EPB41L2: variants seen among roughly 807,000 people sequenced by gnomAD.
The protein encoded by EPB41L2 is erythrocyte membrane protein band 4.1 like 2, also known as band 4.1-like protein 2.
EPB41L2 carries 43 observed loss-of-function variants against 113.0 expected under a neutral mutation model. The observed-to-expected ratio is 0.38, with a 90% CI of 0.30 to 0.49. The LOEUF is 0.49. Among genes scored for constraint, EPB41L2 ranks in the 20% least tolerant of loss-of-function variants. The probability of loss-of-function intolerance (pLI) is 0.95; values close to 1 mark genes in which losing one functional copy is unlikely to be tolerated. For synonymous variants in EPB41L2, 442 were observed against 436.7 expected, an observed-to-expected ratio of 1.01 and a Z score of -0.15; for missense variants, 1,147 against 1,223.4, an observed-to-expected ratio of 0.94 and a Z score of 0.93.
At position 130,899,557 on chromosome 6, in the gene EPB41L2, A is replaced by T. The variant is rs774383411; in HGVS notation, c.1170T>A (p.Ala390=). The change falls in exon 8 of 20, where the codon GCT becomes GCA. Residue 390 remains alanine (A), a synonymous_variant. Transcript: ENST00000337057. ...TTGCATTTTCTAAGAACTGGGAATCAGCTTGTGCTGGCGATAAGCCCCTGA... is the reference window on the plus strand; with the variant it reads ...TTGCATTTTCTAAGAACTGGGAATCTGCTTGTGCTGGCGATAAGCCCCTGA... ...KTHRGLSPAQ[A]DSQFLENAKR... 6.2e-7 allele frequency: 1 copy of T among 1,613,944 alleles called. No homozygotes were observed. The highest frequency in any genetic ancestry group is 1.1e-5 in the South Asian group (1 of 91,084).
At chr6:130,943,417 T>C (rs948684495) in intron 3 of EPB41L2, among the ~76,000 whole-genome samples, 2 of 152,208 alleles carry the variant, frequency 1.3e-5, no homozygotes, top group African/African-American at 4.8e-5. Flanking sequence ...GTAATTTTCA[T>C]TCCAAAACAG....
Position 130,867,786 on chromosome 6 carries a change from A to C in EPB41L2, c.2608-205T>G, listed in dbSNP as rs949353364. On this transcript the variant is annotated intron_variant, in intron 15 of 19. Coordinates refer to ENST00000337057, the MANE Select transcript of EPB41L2 (RefSeq NM_001431.4). ...ATATATCATATATACACATACATAC[A>C]TGTGCACATAGATACGTACATATAT... The C allele has an allele frequency of 9.2e-6, 5 of 543,618 alleles. No individual in the cohort carries two copies. In the Admixed American group the frequency reaches 1.2e-4, roughly 13 times the overall value. 33.7% of individuals were successfully genotyped at this position (543,618 alleles called of 1,614,324 possible).
At chr6:131,040,507 T>C (rs980025751) in intron 1 of EPB41L2, among the ~76,000 whole-genome samples, 1 of 152,152 alleles carries the variant, frequency 6.6e-6, no homozygotes, top group Admixed American at 6.5e-5. Flanking sequence ...AAAAATCCCA[T>C]TTTATCACCA....
At chr6:131,048,818 T>C (rs75151482) in intron 1 of EPB41L2, among the ~76,000 whole-genome samples, 8,030 of 152,280 alleles carry the variant, frequency 0.053, 308 homozygotes, top group East Asian at 0.12. Context: ...GGTACATTCT[T>C]TCTTCCAAAA....
chr6:130,850,012 T>G (rs1370867417), intron 19 of EPB41L2, among the ~76,000 whole-genome samples: 2 of 152,094 alleles, frequency 1.3e-5, no homozygotes, highest in Non-Finnish European at 2.9e-5. Flanking sequence ...GGCGGGTGGA[T>G]CACCTGAGGT....
chr6:131,031,332 TA>T (rs1792114237), intron 1 of EPB41L2, among the ~76,000 whole-genome samples: 1 of 151,946 alleles, frequency 6.6e-6, no homozygotes, highest in Non-Finnish European at 1.5e-5. Context: ...GAGTAAGCTA[TA>T]AGTGATAACA....
In EPB41L2 at chr6:130,890,155, T is replaced by C. The variant is rs929570217; in HGVS notation, c.1660+139A>G. 1.5e-5 allele frequency: 12 copies of C among 791,944 alleles called. No individual in the cohort carries two copies. In the Admixed American group the frequency reaches 2.5e-4, roughly 17 times the overall value. The allele number at this position is 791,944 out of a possible 1,614,324, so 49.1% of individuals were successfully genotyped here. A position where few individuals can be genotyped will look rare whatever the true frequency, so the allele number is the denominator to read the frequency against. On this transcript the variant is annotated intron_variant, in intron 11 of 19. Coordinates refer to ENST00000337057, the MANE Select transcript of EPB41L2 (RefSeq NM_001431.4). ...ATTATTCTCTTGTAGGTGTAAGTAA[T>C]AGCATTTTATTTACTCGGGAAAAAA...
At chr6:130,905,397 A>G (rs1797426958) in intron 5 of EPB41L2, among the ~76,000 whole-genome samples, 1 of 151,714 alleles carries the variant, frequency 6.6e-6, no homozygotes, top group Non-Finnish European at 1.5e-5. Context: ...AATTAAAAAA[A>G]TGTGTGTGTG....
At chr6:130,988,546 G>C (rs924988601) in intron 1 of EPB41L2, among the ~76,000 whole-genome samples, 5 of 152,124 alleles carry the variant, frequency 3.3e-5, no homozygotes, top group African/African-American at 1.2e-4. Context: ...CTTTCCTGAG[G>C]GGTGGCGGGG....
At position 130,867,482 on chromosome 6, in the gene EPB41L2, T is replaced by C. The variant is rs1393445454; in HGVS notation, c.2707A>G (p.Thr903Ala). 1.2e-6 allele frequency: 2 copies of C among 1,613,982 alleles called. No homozygotes were observed. The highest frequency in any genetic ancestry group is 3.3e-5 in the Admixed American group (2 of 60,024). ...ACCTGTGGAGACTCATATGTGATGG[T>C]TTTGGTCTCAGTTTGGACAATGGGG... Reference protein sequence around the residue: ...EVPIVQTETKTITYESPQIDG... With the variant: ...EVPIVQTETKAITYESPQIDG... The change falls in exon 16 of 20, where the codon ACC becomes GCC. Residue 903 changes from threonine (T) to alanine (A), a missense_variant. Coordinates refer to ENST00000337057, the MANE Select transcript of EPB41L2 (RefSeq NM_001431.4).
At chr6:130,990,170 A>C (rs929934031) in intron 1 of EPB41L2, among the ~76,000 whole-genome samples, 3 of 152,086 alleles carry the variant, frequency 2.0e-5, no homozygotes, top group Non-Finnish European at 2.9e-5. Context: ...AAAATGCAAA[A>C]ATTGGCCGAG....
chr6:130,966,671 A>C (rs1012202434), intron 1 of EPB41L2, among the ~76,000 whole-genome samples: 1 of 152,198 alleles, frequency 6.6e-6, no homozygotes, highest in Non-Finnish European at 1.5e-5. Flanking sequence ...AATGAACAGA[A>C]GTTTTCATAA....
At chr6:131,028,686 T>C (rs896631959) in intron 1 of EPB41L2, among the ~76,000 whole-genome samples, 1 of 152,190 alleles carries the variant, frequency 6.6e-6, no homozygotes, top group Non-Finnish European at 1.5e-5. Flanking sequence ...TATGTATTAA[T>C]ATCGCATAAA....
chr6:130,890,949 TGG>T (rs1447381677), intron 10 of EPB41L2, among the ~76,000 whole-genome samples: 3 of 152,222 alleles, frequency 2.0e-5, no homozygotes, highest in Admixed American at 6.5e-5. Flanking sequence ...TCTGTAGAGA[TGG>T]CTAACACCCC....
intron 1 of EPB41L2, among the ~76,000 whole-genome samples, chr6:130,993,991 T>A (rs1782492940): frequency 6.6e-6 from 1 of 152,142 alleles, no homozygotes. Flanking sequence ...TAAGCCACAG[T>A]ATACCGGGAA....
intron 3 of EPB41L2, among the ~76,000 whole-genome samples, chr6:130,937,537 T>C (rs1200099829): frequency 6.6e-6 from 1 of 152,078 alleles, no homozygotes; most frequent in East Asian, 1.9e-4. Context: ...AAAAAAATGA[T>C]TGGCTGGGCG....
At chr6:130,894,564 G>A in intron 9 of EPB41L2, 123 bp from the exon 10 acceptor site, 1 of 792,798 alleles carries the variant, frequency 1.3e-6, no homozygotes, top group East Asian at 2.6e-5. Flanking sequence ...GGTAAATATT[G>A]CATATCTAAT....
intron 11 of EPB41L2, among the ~76,000 whole-genome samples, 168 bp downstream of exon 11, chr6:130,890,126 C>T (rs1792302911): frequency 6.6e-6 from 1 of 151,912 alleles, no homozygotes; most frequent in Admixed American, 6.6e-5. Context: ...TAAAACACAA[C>T]AAAATTATTC....
chr6:130,987,897 G>A (rs946777210), intron 1 of EPB41L2, among the ~76,000 whole-genome samples: 1 of 151,620 alleles, frequency 6.6e-6, no homozygotes, highest in Non-Finnish European at 1.5e-5. Flanking sequence ...AGGACTGCTT[G>A]AGCCCAGGGG....
Sources: gnomAD v4.1 joint callset for allele counts (sites outside exome capture counted in the v4.1 genomes callset) on GRCh38, gnomAD v4.1.1 for gene constraint, MANE v1.5 for transcripts, NCBI Gene and HGNC (gene_info 2026-07-23, HGNC 2026-07-21) for gene names.